DCLK2: variants seen among roughly 807,000 people sequenced by gnomAD.
The protein encoded by DCLK2 is doublecortin like kinase 2, also known as serine/threonine-protein kinase DCLK2.
Under a neutral mutation model 78.4 loss-of-function variants are expected in DCLK2, and 31 were observed. That is an observed-to-expected ratio of 0.40 (90% confidence interval 0.30 to 0.53). DCLK2 has a LOEUF of 0.53. Ranked by LOEUF, DCLK2 falls within the 20% of genes least tolerant of loss-of-function variation. DCLK2 has a pLI of 0.61. For synonymous variants in DCLK2, 407 were observed against 374.9 expected (o/e 1.09, Z -0.99); for missense variants, 872 against 973.7 (o/e 0.90, Z 1.39).
At chr4:150,158,039 T>C (rs373400389) in intron 2 of DCLK2, among the ~76,000 whole-genome samples, 10 of 152,252 alleles carry the variant, frequency 6.6e-5, no homozygotes, top group African/African-American at 2.4e-4. Context: ...GTTAATTTGC[T>C]AAGGCCACCA....
At position 150,078,511 on chromosome 4, in the gene DCLK2, G is replaced by A. The variant is rs1436976140; in HGVS notation, c.-517G>A. On this transcript the variant is annotated 5_prime_UTR_variant, in exon 1 of 16. Transcript: ENST00000296550. Reference sequence around the variant, plus strand: ...CGGGCGGGATCCGGGCGCGGCCGAGGCGGCGGCGCTGCACCCCGGGCCTGG... The same window carrying A: ...CGGGCGGGATCCGGGCGCGGCCGAGACGGCGGCGCTGCACCCCGGGCCTGG... The A allele has an allele frequency of 6.6e-6, 1 of 151,072 alleles. No homozygotes were observed. The highest frequency in any genetic ancestry group is 1.5e-5 in the Non-Finnish European group (1 of 67,910). The allele number at this position is 151,072 out of a possible 1,614,324, so 9.4% of individuals were successfully genotyped here.
Position 150,232,370 on chromosome 4 carries a change from C to A in DCLK2, c.1333C>A (p.Arg445Ser). ...HLIENEVSIL[R>S]RVKHPNIIML... ...GATTGAGAATGAAGTGTCAATACTG[C>A]GCCGAGTGAAACATCCCAATATCAT... The change falls in exon 9 of 16, where the codon CGC becomes AGC. Residue 445 changes from arginine (R) to serine (S), a missense_variant. Transcript: ENST00000296550. The A allele has an allele frequency of 6.2e-7, 1 of 1,614,060 alleles. No homozygotes were observed. The highest frequency in any genetic ancestry group is 1.3e-5 in the African/African-American group (1 of 75,034).
intron 2 of DCLK2, chr4:150,175,400 G>C (rs1737004123): frequency 6.6e-6 from 1 of 151,568 alleles, no homozygotes; most frequent in Non-Finnish European, 1.5e-5. Context: ...AGCAATTGTG[G>C]TCTCCAGATT....
intron 2 of DCLK2, among the ~76,000 whole-genome samples, chr4:150,146,692 A>G (rs78118878): frequency 0.098 from 14,884 of 152,216 alleles, 815 homozygotes; most frequent in East Asian, 0.15. Context: ...TGCCTGCCAC[A>G]TAGTTAGCCT....
chr4:150,196,712 A>G (rs549380780), intron 3 of DCLK2, among the ~76,000 whole-genome samples: 2 of 152,134 alleles, frequency 1.3e-5, no homozygotes, highest in Non-Finnish European at 2.9e-5. Flanking sequence ...CTAGTTAACA[A>G]ATGTCAAATG....
chr4:150,114,487 T>C (rs1393117140), intron 2 of DCLK2, among the ~76,000 whole-genome samples: 2 of 152,234 alleles, frequency 1.3e-5, no homozygotes, highest in Non-Finnish European at 2.9e-5. Context: ...GTGGTATTTT[T>C]TTATAGGCCC....
At chr4:150,161,204 T>G (rs970999293) in intron 2 of DCLK2, among the ~76,000 whole-genome samples, 3 of 152,190 alleles carry the variant, frequency 2.0e-5, no homozygotes, top group Non-Finnish European at 4.4e-5. Context: ...GTGATGTAAA[T>G]CAGAGTAGAA....
In DCLK2 at chr4:150,159,834, A is replaced by G. The variant is rs562079851; in HGVS notation, c.757-33304A>G. ...GAGGTGGTCGAGAGAACACGTTTTC[A>G]TATGTTCCGCTTTGCTAGAACAGGA... On this transcript the variant is annotated intron_variant, in intron 2 of 15. Coordinates refer to ENST00000296550, the MANE Select transcript of DCLK2 (RefSeq NM_001040260.4). Among the ~76,000 whole-genome samples the G allele has an allele frequency of 7.9e-5, 12 of 152,314 alleles. No individual in the cohort carries two copies. In the East Asian group the frequency reaches 2.1e-3, roughly 27 times the overall value.
intron 5 of DCLK2, among the ~76,000 whole-genome samples, chr4:150,218,493 A>T (rs1010009045): frequency 6.6e-5 from 10 of 152,116 alleles, no homozygotes; most frequent in Non-Finnish European, 1.0e-4. Flanking sequence ...TGCTTACCCA[A>T]ATTAGCTCAA....
intron 3 of DCLK2, among the ~76,000 whole-genome samples, chr4:150,196,045 C>A (rs958237838): frequency 1.3e-5 from 2 of 151,964 alleles, no homozygotes; most frequent in Admixed American, 1.3e-4. Context: ...GCCACAGATA[C>A]GTTTATTAGG....
At chr4:150,115,145 T>C (rs1731981356) in intron 2 of DCLK2, among the ~76,000 whole-genome samples, 1 of 152,232 alleles carries the variant, frequency 6.6e-6, no homozygotes, top group South Asian at 2.1e-4. Context: ...CTGAAATTAT[T>C]CTACTTTAGT....
At chr4:150,114,182 A>G (rs909220154) in intron 2 of DCLK2, among the ~76,000 whole-genome samples, 2 of 151,926 alleles carry the variant, frequency 1.3e-5, no homozygotes, top group Non-Finnish European at 2.9e-5. Flanking sequence ...TATCTTGGAG[A>G]ATGTTCCATG....
At chr4:150,091,603 G>C (rs144642656) in intron 1 of DCLK2, among the ~76,000 whole-genome samples, 1 of 152,192 alleles carries the variant, frequency 6.6e-6, no homozygotes, top group East Asian at 1.9e-4. Context: ...AAGACAGTTT[G>C]TAATTACAAA....
intron 10 of DCLK2, among the ~76,000 whole-genome samples, chr4:150,237,329 C>T (rs144325225): frequency 6.6e-6 from 1 of 152,092 alleles, no homozygotes; most frequent in Admixed American, 6.6e-5. Flanking sequence ...ATCTGGAATC[C>T]GTTACTTTAG....
At chr4:150,133,134 A>C (rs1233064379) in intron 2 of DCLK2, among the ~76,000 whole-genome samples, 1 of 152,198 alleles carries the variant, frequency 6.6e-6, no homozygotes. Flanking sequence ...ACCAGATAGC[A>C]CTTCAGCATT....
intron 7 of DCLK2, among the ~76,000 whole-genome samples, chr4:150,222,459 C>T (rs1443452261): frequency 2.6e-5 from 4 of 152,104 alleles, no homozygotes; most frequent in Non-Finnish European, 5.9e-5. Context: ...TGTATTAAAT[C>T]GCTTAATCCC....
At chr4:150,224,851 G>C (rs533807950) in intron 8 of DCLK2, among the ~76,000 whole-genome samples, 5 of 152,318 alleles carry the variant, frequency 3.3e-5, no homozygotes, top group African/African-American at 9.6e-5. Flanking sequence ...CAAGAACTCT[G>C]AGGGACCTGG....
At position 150,232,768 on chromosome 4, in the gene DCLK2, C is replaced by T. The variant is rs1054108892; in HGVS notation, c.1506C>T (p.Ala502=). ...CCATGGTGTACAACTTAGCCAATGCCCTCAGGTATCTCCATGGCCTCAGCA... is the reference window on the plus strand; with the variant it reads ...CCATGGTGTACAACTTAGCCAATGCTCTCAGGTATCTCCATGGCCTCAGCA... ...GSAMVYNLAN[A]LRYLHGLSIV... is the part of the protein sequence containing the mutation. Residue 502 remains alanine, a synonymous_variant, in exon 10 of 16, where the codon GCC becomes GCT. Transcript: ENST00000296550. The T allele has an allele frequency of 7.4e-6, 12 of 1,613,970 alleles. No individual in the cohort carries two copies. The Admixed American group carries it at 1.2e-4, about 16-fold the overall frequency.
rs760277432 is a variant in DCLK2 at position 150,079,330 on chromosome 4, G to C, written c.303G>C (p.Ala101=). The change falls in exon 1 of 16, where the codon GCG becomes GCC. Residue 101 remains alanine (A), a synonymous_variant. Transcript: ENST00000296550. Reference sequence around the variant, plus strand: ...GCGACCGCTTCCGGTCCTTCGATGCGCTCCTCATAGAGCTCACCCGCTCCC... The same window carrying C: ...GCGACCGCTTCCGGTCCTTCGATGCCCTCCTCATAGAGCTCACCCGCTCCC... The part of the protein sequence containing the change: ...ISSDRFRSFD[A]LLIELTRSLS... 26 of 1,588,572 alleles carry C rather than the reference G, an allele frequency of 1.6e-5. No homozygotes were observed. The highest frequency in any genetic ancestry group is 2.7e-5 in the African/African-American group (2 of 74,230).
Sources: gnomAD v4.1 joint callset for allele counts (sites outside exome capture counted in the v4.1 genomes callset) on GRCh38, gnomAD v4.1.1 for gene constraint, MANE v1.5 for transcripts, NCBI Gene and HGNC (gene_info 2026-07-23, HGNC 2026-07-21) for gene names.